ARHGEF10L: variants seen among roughly 807,000 people sequenced by gnomAD.
The protein encoded by ARHGEF10L is rho guanine nucleotide exchange factor 10-like protein.
ARHGEF10L carries 69 observed loss-of-function variants against 141.2 expected under a neutral mutation model. That is an observed-to-expected ratio of 0.49 (90% CI 0.40 to 0.60). ARHGEF10L has a LOEUF of 0.60. Ranked by LOEUF, ARHGEF10L falls within the 20% of genes least tolerant of loss-of-function variation. ARHGEF10L has a pLI of 0.00. For synonymous variants in ARHGEF10L, 711 were observed against 718.5 expected (o/e 0.99, Z 0.17); for missense variants, 1,482 against 1,734.3 (o/e 0.85, Z 2.58).
At position 17,607,665 on chromosome 1, in the gene ARHGEF10L, G is replaced by A; in HGVS notation, c.434-137G>A. The A allele has an allele frequency of 3.7e-6, 3 of 816,940 alleles. No individual in the cohort carries two copies. The highest frequency in any genetic ancestry group is 2.3e-5 in the South Asian group (1 of 43,032). The allele number at this position is 816,940 out of a possible 1,614,324, so 50.6% of individuals were successfully genotyped here. The stretch of plus-strand genomic sequence containing the variant: ...TCTTCGTTTCATGGTTGAGGAGGTA[G>A]AGCTGGAGCCCCAGGGCCCCCATGT... On this transcript the variant is annotated intron_variant, in intron 6 of 28. Coordinates refer to ENST00000361221, the MANE Select transcript of ARHGEF10L (RefSeq NM_018125.4). This position sits in a 1 kb window ranked among gnomAD's most constrained non-coding sequence, Gnocchi z 4.5.
intron 25 of ARHGEF10L, among the ~76,000 whole-genome samples, chr1:17,660,148 G>T (rs964075191): frequency 2.0e-5 from 3 of 152,246 alleles, no homozygotes; most frequent in African/African-American, 7.2e-5. Flanking sequence ...TGTCCTTGCT[G>T]GCGTGCTACC....
chr1:17,533,718 A>G, the ARHGEF10L span, among the ~76,000 whole-genome samples: 2 of 152,142 alleles, frequency 1.3e-5, no homozygotes, highest in African/African-American at 4.8e-5. Context: ...TGCCTGTCCT[A>G]TTGAACAGGG....
At chr1:17,672,800 G>A (rs939334673) in intron 26 of ARHGEF10L, among the ~76,000 whole-genome samples, 4 of 152,236 alleles carry the variant, frequency 2.6e-5, no homozygotes, top group African/African-American at 9.6e-5. Context: ...GGCATGGGAG[G>A]TAGGGGTGGG....
chr1:17,670,452 G>A (rs774525322), intron 26 of ARHGEF10L, among the ~76,000 whole-genome samples: 11 of 152,360 alleles, frequency 7.2e-5, no homozygotes, highest in East Asian at 1.9e-4. Flanking sequence ...TAATCCAGTC[G>A]TTTGGAGTTC....
Position 17,603,335 on chromosome 1 carries a change from C to T in ARHGEF10L, c.350-173C>T, listed in dbSNP as rs1036583691. On this transcript the variant is annotated intron_variant, in intron 5 of 28. Coordinates refer to ENST00000361221, the MANE Select transcript of ARHGEF10L (RefSeq NM_018125.4). The surrounding 1 kb of genome is among the most constrained non-coding windows in gnomAD (Gnocchi z 4.8). ...GGAGGGGGTGGGGGGCGGGGAGAAG[C>T]GAGGGAGCCGGCATCCCCTGAGGGC... Among the ~76,000 whole-genome samples, 6 of 150,728 alleles carry T rather than the reference C, an allele frequency of 4.0e-5. 1 individual carries two copies. Among genetic ancestry groups the T allele is most frequent in the Non-Finnish European group, 7.4e-5 (5 of 67,664 alleles).
At chr1:17,601,299 T>A (rs1018101488) in intron 4 of ARHGEF10L, among the ~76,000 whole-genome samples, 5 of 152,144 alleles carry the variant, frequency 3.3e-5, no homozygotes, top group African/African-American at 1.2e-4. Context: ...GTCTCTTGGT[T>A]CGGGACGTGT....
At chr1:17,680,669 G>A (rs190761943) in intron 26 of ARHGEF10L, among the ~76,000 whole-genome samples, 24 of 152,058 alleles carry the variant, frequency 1.6e-4, no homozygotes, top group African/African-American at 5.8e-4. Flanking sequence ...GATGACAGAG[G>A]AGACTGAGTC....
intron 26 of ARHGEF10L, among the ~76,000 whole-genome samples, chr1:17,667,435 T>C (rs568975978): frequency 6.6e-5 from 10 of 152,242 alleles, no homozygotes; most frequent in East Asian, 5.8e-4. Context: ...GTTCTCAATA[T>C]TGGGGGGAGT....
Position 17,615,476 on chromosome 1 carries a change from G to A in ARHGEF10L, c.727-618G>A, listed in dbSNP as rs987674398. ...AACTTCAGCCTTTTCTCCTTTTCCC[G>A]GATGGTGGCTCAGTAAGAAACCTGG... On this transcript the variant is annotated intron_variant, in intron 8 of 28. Coordinates refer to ENST00000361221, the MANE Select transcript of ARHGEF10L (RefSeq NM_018125.4). The surrounding 1 kb of genome is among the most constrained non-coding windows in gnomAD (Gnocchi z 4.7). The A allele has an allele frequency of 2.0e-5, 3 of 152,190 alleles. No homozygotes were observed. The highest frequency in any genetic ancestry group is 1.9e-4 in the East Asian group (1 of 5,196). The allele number at this position is 152,190 out of a possible 1,614,324, so 9.4% of individuals were successfully genotyped here.
chr1:17,574,378 C>T (rs978184064), intron 1 of ARHGEF10L, among the ~76,000 whole-genome samples: 2 of 152,146 alleles, frequency 1.3e-5, no homozygotes, highest in African/African-American at 4.8e-5. Flanking sequence ...CCTGGTGTTC[C>T]GGTGGAATAC....
intron 21 of ARHGEF10L, among the ~76,000 whole-genome samples, chr1:17,647,812 C>T (rs1447715484): frequency 3.9e-5 from 6 of 152,076 alleles, no homozygotes; most frequent in Admixed American, 3.3e-4. Flanking sequence ...GACATGTGAG[C>T]AGAGCCCCGA....
intron 1 of ARHGEF10L, among the ~76,000 whole-genome samples, chr1:17,564,835 C>T (rs1052036585): frequency 6.6e-6 from 1 of 152,166 alleles, no homozygotes; most frequent in African/African-American, 2.4e-5. Context: ...GATTTTGGCA[C>T]TGACATTGGG....
At chr1:17,629,315 C>T (rs944329291) in intron 15 of ARHGEF10L, among the ~76,000 whole-genome samples, 4 of 151,880 alleles carry the variant, frequency 2.6e-5, no homozygotes, top group African/African-American at 7.3e-5. Context: ...GCATGAGCCA[C>T]GGTGCCCGGC....
chr1:17,693,733 G>A (rs912180009), intron 27 of ARHGEF10L, among the ~76,000 whole-genome samples: 1 of 152,186 alleles, frequency 6.6e-6, no homozygotes, highest in Non-Finnish European at 1.5e-5. Context: ...GCAGGTATAC[G>A]AGTGCTTTGG....
intron 18 of ARHGEF10L, among the ~76,000 whole-genome samples, chr1:17,636,131 G>A (rs1364392527): frequency 6.6e-6 from 1 of 152,142 alleles, no homozygotes; most frequent in Non-Finnish European, 1.5e-5. Context: ...CCGCCGCTTG[G>A]GGCACAGGGT....
chr1:17,517,470 C>G, the ARHGEF10L span, among the ~76,000 whole-genome samples: 2 of 151,848 alleles, frequency 1.3e-5, no homozygotes, highest in Admixed American at 1.3e-4. Context: ...ACTACAGGTG[C>G]GTGCCACCAT....
intron 28 of ARHGEF10L, among the ~76,000 whole-genome samples, chr1:17,695,877 G>A (rs1191149964): frequency 2.0e-5 from 3 of 152,000 alleles, no homozygotes; most frequent in South Asian, 2.1e-4. Context: ...GGCTCCCTGC[G>A]CAGACCTCAA....
intron 21 of ARHGEF10L, among the ~76,000 whole-genome samples, chr1:17,641,043 G>T (rs1270264076): frequency 6.6e-6 from 1 of 152,170 alleles, no homozygotes; most frequent in Non-Finnish European, 1.5e-5. Context: ...GGCAGATCTG[G>T]GCCGCAGACC....
At chr1:17,642,587 G>A (rs2061387891) in intron 21 of ARHGEF10L, among the ~76,000 whole-genome samples, 1 of 152,160 alleles carries the variant, frequency 6.6e-6, no homozygotes, top group South Asian at 2.1e-4. Context: ...ATGGGGAGGG[G>A]TTGCCTGTGG....
Sources: gnomAD v4.1 joint callset for allele counts (sites outside exome capture counted in the v4.1 genomes callset) on GRCh38, gnomAD v4.1.1 for gene constraint, Gnocchi (gnomAD v3.1) non-coding constraint, MANE v1.5 for transcripts, NCBI Gene and HGNC (gene_info 2026-07-23, HGNC 2026-07-21) for gene names.